The following ARHGEF18 variants were observed in gnomAD, a reference collection of about 807,000 sequenced individuals.
The protein encoded by ARHGEF18 is rho guanine nucleotide exchange factor 18.
ARHGEF18 carries 93 observed loss-of-function variants against 155.7 expected under a neutral mutation model. The observed-to-expected ratio is 0.60, with a 90% CI of 0.50 to 0.71. ARHGEF18 has a LOEUF of 0.71. Among genes scored for constraint, ARHGEF18 ranks in the 30% least tolerant of loss-of-function variants. The probability of loss-of-function intolerance (pLI) is 0.00; values close to 1 mark genes in which losing one functional copy is unlikely to be tolerated. For synonymous variants in ARHGEF18, 742 were observed against 753.1 expected, an observed-to-expected ratio of 0.99 and a Z score of 0.24; for missense variants, 1,593 against 1,816.1, an observed-to-expected ratio of 0.88 and a Z score of 2.23.
intron 1 of ARHGEF18, among the ~76,000 whole-genome samples, chr19:7,357,554 G>A (rs1414817626): frequency 6.6e-6 from 1 of 152,184 alleles, no homozygotes; most frequent in Non-Finnish European, 1.5e-5. Context: ...GGGGAGCAGG[G>A]TGCATCCCCA....
chr19:7,467,421 G>C lies in ARHGEF18; in HGVS notation c.3217G>C (p.Glu1073Gln). The C allele has an allele frequency of 6.5e-7, 1 of 1,531,836 alleles. No individual in the cohort carries two copies. The highest frequency in any genetic ancestry group is 8.7e-7 in the Non-Finnish European group (1 of 1,145,320). 94.9% of individuals were successfully genotyped at this position (1,531,836 alleles called of 1,614,324 possible). ...LRHEQQRWER[E>Q]RQWQHQELER... is the part of the protein sequence containing the mutation. ...GCACGAGCAGCAGCGCTGGGAGCGC[G>C]AGCGCCAGTGGCAGCACCAGGAGCT... Residue 1073 changes from glutamate (E) to glutamine (Q), a missense_variant, in exon 26 of 29, where the codon GAG becomes CAG. Physicochemically the swap from Glu to Gln is conservative, Grantham distance 29 (BLOSUM62 2). Transcript: ENST00000668164.
At position 7,441,774 on chromosome 19, in the gene ARHGEF18, A is replaced by G; in HGVS notation, c.1219+9A>G. ...GTCCATTTTTGTAGAAGGTATGGTC[A>G]TCTCCGCTCTCTCGCGGCTGCCACA... is the stretch of plus-strand genomic sequence containing the variant. On this transcript the variant is annotated intron_variant, in intron 12 of 28. Coordinates refer to ENST00000668164, the MANE Select transcript of ARHGEF18 (RefSeq NM_001367823.1). The G allele has an allele frequency of 6.2e-7, 1 of 1,613,956 alleles. No individual in the cohort carries two copies. The highest frequency in any genetic ancestry group is 8.5e-7 in the Non-Finnish European group (1 of 1,179,846).
intron 1 of ARHGEF18, chr19:7,355,529 C>T (rs1048467642): frequency 1.3e-6 from 1 of 765,584 alleles, no homozygotes; most frequent in Admixed American, 6.3e-5. Flanking sequence ...ATCTGGCAGA[C>T]CTTGGAGGCA....
At chr19:7,369,413 A>G (rs1970096657) in intron 2 of ARHGEF18, among the ~76,000 whole-genome samples, 1 of 151,474 alleles carries the variant, frequency 6.6e-6, no homozygotes, top group Non-Finnish European at 1.5e-5. Context: ...GTGAGCTGAG[A>G]TCGGGCCATT....
intron 27 of ARHGEF18, 118 bp downstream of exon 27, chr19:7,469,249 G>A (rs2241397): frequency 0.51 from 660,197 of 1,296,422 alleles, 171,343 homozygotes; most frequent in African/African-American, 0.69. Flanking sequence ...AGGAAAACCA[G>A]AAGGCACAGC....
chr19:7,371,931 A>G (rs1305881810), intron 2 of ARHGEF18, among the ~76,000 whole-genome samples: 2 of 152,306 alleles, frequency 1.3e-5, no homozygotes, highest in South Asian at 4.1e-4. Flanking sequence ...AGTTCTGGGT[A>G]AAGGGCAAAC....
In ARHGEF18 at chr19:7,383,157, C is replaced by G; in HGVS notation, c.921C>G (p.Ser307=). Residue 307 remains serine, a synonymous_variant, in exon 10 of 29, where the codon TCC becomes TCG. Transcript: ENST00000668164. ...ACCAGCTGTTGCAAGGGACCTTCTC[C>G]GGCCCCTCCAGCTGCCCCCTGTGTG... is the stretch of plus-strand genomic sequence containing the variant. ...NGHQLLQGTF[S]GPSSCPLCGK... is the part of the protein sequence containing the mutation. The G allele has an allele frequency of 8.1e-7, 1 of 1,232,274 alleles. No homozygotes were observed. Among genetic ancestry groups the G allele is most frequent in the South Asian group, 4.1e-5 (1 of 24,314 alleles). 76.3% of individuals were successfully genotyped at this position (1,232,274 alleles called of 1,614,324 possible). A position where few individuals can be genotyped will look rare whatever the true frequency, so the allele number is the denominator to read the frequency against.
At chr19:7,438,733 C>T (rs1974432745) in intron 10 of ARHGEF18, among the ~76,000 whole-genome samples, 1 of 151,946 alleles carries the variant, frequency 6.6e-6, no homozygotes, top group African/African-American at 2.4e-5. Flanking sequence ...TTTAATGCTG[C>T]TCTTTGTCCT....
At position 7,456,263 on chromosome 19, in the gene ARHGEF18, G is replaced by T. The variant is rs940358014; in HGVS notation, c.2105-64G>T. 30 of 1,463,950 alleles carry T rather than the reference G, an allele frequency of 2.0e-5. No homozygotes were observed. The Admixed American group carries it at 4.3e-4, about 21-fold the overall frequency. The allele number at this position is 1,463,950 out of a possible 1,614,324, so 90.7% of individuals were successfully genotyped here. ...TTCCTGGGAAGTGGCATCCGCGGGG[G>T]TGGCCAGCAAGACCTCCTGGCTATG... On this transcript the variant is annotated intron_variant, in intron 17 of 28. Transcript: ENST00000668164.
chr19:7,456,486 G>A, intron 18 of ARHGEF18, 83 bp downstream of exon 18: 2 of 1,282,936 alleles, frequency 1.6e-6, no homozygotes, highest in Non-Finnish European at 2.3e-6. Flanking sequence ...GGAGGCCGAG[G>A]TGGGCAGATC....
intron 2 of ARHGEF18, among the ~76,000 whole-genome samples, chr19:7,368,277 C>G (rs1040940444): frequency 6.6e-6 from 1 of 152,014 alleles, no homozygotes; most frequent in Admixed American, 6.6e-5. Context: ...GCTGTTTCAC[C>G]TCTGGATTTG....
intron 23 of ARHGEF18, among the ~76,000 whole-genome samples, 185 bp from the exon 24 acceptor site, chr19:7,466,733 G>A (rs1223936404): frequency 6.7e-6 from 1 of 148,800 alleles, no homozygotes; most frequent in Non-Finnish European, 1.5e-5. Context: ...GAACCCGGGA[G>A]CTGGAGGGTG....
At chr19:7,469,805 A>G in intron 27 of ARHGEF18, 99 bp from the exon 28 acceptor site, 2 of 1,430,686 alleles carry the variant, frequency 1.4e-6, no homozygotes, top group Non-Finnish European at 1.9e-6. Flanking sequence ...GGGAAGTGTC[A>G]GGTGGGGGTG....
chr19:7,365,848 G>A (rs549903019), intron 2 of ARHGEF18, among the ~76,000 whole-genome samples: 13 of 152,284 alleles, frequency 8.5e-5, no homozygotes, highest in African/African-American at 2.4e-4. Flanking sequence ...GGTGGTCCCC[G>A]TCATGGCTCC....
At chr19:7,352,531 C>CTT (rs35219215) in intron 1 of ARHGEF18, among the ~76,000 whole-genome samples, 67,833 of 93,128 alleles carry the variant, frequency 0.73, 28,434 homozygotes, top group Non-Finnish European at 0.86. Flanking sequence ...CCTAGGTTTC[C>CTT]TTTTTTTTTT....
rs190065080 is a variant in ARHGEF18 at position 7,464,521 on chromosome 19, G to A, written c.2774-39G>A. ...CTGGGAAGCTTCCCCCTCCCCACGG[G>A]ATGGCAGCATCCTCATGCCCCTGGC... On this transcript the variant is annotated intron_variant, in intron 22 of 28. Transcript: ENST00000668164. 28 of 1,584,768 alleles carry A rather than the reference G, an allele frequency of 1.8e-5. 1 individual carries two copies. The highest frequency in any genetic ancestry group is 1.4e-4 in the East Asian group (6 of 44,328).
chr19:7,423,066 A>G (rs573288281), intron 10 of ARHGEF18, among the ~76,000 whole-genome samples: 1 of 152,090 alleles, frequency 6.6e-6, no homozygotes, highest in Non-Finnish European at 1.5e-5. Context: ...TTTTGGAAAC[A>G]TGGCTCATGG....
chr19:7,438,982 G>A (rs1432270130), intron 10 of ARHGEF18, among the ~76,000 whole-genome samples: 5 of 151,202 alleles, frequency 3.3e-5, no homozygotes, highest in African/African-American at 9.7e-5. Context: ...AAGCGATTCC[G>A]TGCCTCAGCC....
At chr19:7,409,160 T>C (rs1371071982) in intron 10 of ARHGEF18, among the ~76,000 whole-genome samples, 1 of 145,564 alleles carries the variant, frequency 6.9e-6, no homozygotes, top group Admixed American at 6.9e-5. Context: ...CCTGGGTTCA[T>C]GCCATTCTCC....
Sources: gnomAD v4.1 joint callset for allele counts (sites outside exome capture counted in the v4.1 genomes callset) on GRCh38, gnomAD v4.1.1 for gene constraint, MANE v1.5 for transcripts, NCBI Gene and HGNC (gene_info 2026-07-23, HGNC 2026-07-21) for gene names.